The following ZNF395 variants were observed in gnomAD, a reference collection of about 807,000 sequenced individuals.
ZNF395 encodes HD gene regulatory region-binding protein 2.
A neutral mutation model predicts 57.7 loss-of-function variants in ZNF395; 20 were observed. The ratio of observed to expected loss-of-function variants is 0.35; its 90% CI spans 0.24 to 0.50. The LOEUF is 0.50. Among genes scored for constraint, ZNF395 ranks in the 20% least tolerant of loss-of-function variants. The pLI, the probability that ZNF395 is intolerant of heterozygous loss-of-function variation, is 0.97. For missense variants in ZNF395, 606 were observed against 671.2 expected, an observed-to-expected ratio of 0.90 and a Z score of 1.07; for synonymous variants, 295 against 275.9, an observed-to-expected ratio of 1.07 and a Z score of -0.69.
rs576883875 is a variant in ZNF395 at position 28,361,036 on chromosome 8, GCCGAGGGCC to G, written c.80_88del (p.Gly27_Ser29del). 4.0e-4 allele frequency: 648 copies of G among 1,610,902 alleles called. 9 individuals carry two copies. In the South Asian group the frequency reaches 6.0e-3, roughly 15 times the overall value. ...TAGCAGTGGCTCCGAGGGTGGGGCA[GCCGAGGGCC>G]CCTCCGAGGCACTGGGTCCCAACAC... On this transcript the variant is annotated inframe_deletion, in exon 2 of 10. Coordinates refer to ENST00000344423, the MANE Select transcript of ZNF395 (RefSeq NM_018660.3).
chr8:28,382,285 C>T (rs891935564), intron 1 of ZNF395, among the ~76,000 whole-genome samples: 1 of 152,114 alleles, frequency 6.6e-6, no homozygotes, highest in African/African-American at 2.4e-5. Flanking sequence ...AATTTTTAAA[C>T]ACCTTTATGT....
chr8:28,353,007 T>A (rs988160081), intron 5 of ZNF395, among the ~76,000 whole-genome samples, 166 bp downstream of exon 5: 3 of 152,120 alleles, frequency 2.0e-5, no homozygotes, highest in African/African-American at 7.2e-5. Context: ...AGAAGGAGAA[T>A]CCTGGGAATA....
At chr8:28,364,362 A>T (rs1342514822) in intron 1 of ZNF395, among the ~76,000 whole-genome samples, 2 of 152,172 alleles carry the variant, frequency 1.3e-5, no homozygotes, top group African/African-American at 4.8e-5. Context: ...TGGGAAAAAT[A>T]GCTCCTGGAC....
At chr8:28,375,905 C>G (rs1002267703) in intron 1 of ZNF395, among the ~76,000 whole-genome samples, 2 of 152,126 alleles carry the variant, frequency 1.3e-5, no homozygotes, top group East Asian at 3.9e-4. Context: ...TGACTGAATG[C>G]GGGTGTTTTT....
Position 28,352,622 on chromosome 8 carries a change from G to T in ZNF395, c.871C>A (p.Leu291Met). ...KCLWPNCGKV[L>M]RSIVGIKRHV... Reference sequence around the variant, plus strand: ...CGTTTGATGCCCACAATGGAGCGCAGAACTTTGCCACAGTTTGGCCACAGG... The same window carrying T: ...CGTTTGATGCCCACAATGGAGCGCATAACTTTGCCACAGTTTGGCCACAGG... The change falls in exon 6 of 10, where the codon CTG becomes ATG. Residue 291 changes from leucine to methionine, a missense_variant. Coordinates refer to ENST00000344423, the MANE Select transcript of ZNF395 (RefSeq NM_018660.3). This position sits in a 1 kb window ranked among gnomAD's most constrained non-coding sequence, Gnocchi z 4.0. 6.2e-7 allele frequency: 1 copy of T among 1,614,212 alleles called. No homozygotes were observed. Among genetic ancestry groups the T allele is most frequent in the Non-Finnish European group, 8.5e-7 (1 of 1,180,038 alleles).
chr8:28,381,793 G>A (rs1031391410), intron 1 of ZNF395, among the ~76,000 whole-genome samples: 8 of 152,092 alleles, frequency 5.3e-5, no homozygotes, highest in African/African-American at 1.9e-4. Flanking sequence ...AGCCAGAAGC[G>A]GAAAATGGAA....
Position 28,365,125 on chromosome 8 carries a change from GCAT to G in ZNF395, c.-58-3946_-58-3944del, listed in dbSNP as rs575454653. On this transcript the variant is annotated intron_variant, in intron 1 of 9. Transcript: ENST00000344423. ...AATCCAGGCTGGGCAGCATCACCAG[GCAT>G]CACTCGATGCCTCGCCTGTGTTAAT... 3.2e-4 allele frequency among the ~76,000 whole-genome samples: 49 copies of G among 152,292 alleles called. 1 individual carries two copies. In the East Asian group the frequency reaches 9.1e-3, roughly 28 times the overall value.
At chr8:28,376,672 T>C (rs1385068932) in intron 1 of ZNF395, among the ~76,000 whole-genome samples, 2 of 151,662 alleles carry the variant, frequency 1.3e-5, no homozygotes, top group East Asian at 1.9e-4. Context: ...ACCCACTATA[T>C]GTAGCCCAGG....
At chr8:28,353,856 C>T (rs543567345) in intron 4 of ZNF395, among the ~76,000 whole-genome samples, 1 of 152,230 alleles carries the variant, frequency 6.6e-6, no homozygotes, top group South Asian at 2.1e-4. Flanking sequence ...ACAGGCACAC[C>T]CAGAGTGTTG....
At chr8:28,350,795 C>T (rs1801672479) in intron 7 of ZNF395, among the ~76,000 whole-genome samples, 1 of 152,182 alleles carries the variant, frequency 6.6e-6, no homozygotes, top group Non-Finnish European at 1.5e-5. Flanking sequence ...AAAATAGGCA[C>T]AAAAGAATTT....
intron 4 of ZNF395, among the ~76,000 whole-genome samples, chr8:28,353,695 T>C (rs1015802941): frequency 6.6e-6 from 1 of 152,164 alleles, no homozygotes; most frequent in African/African-American, 2.4e-5. Flanking sequence ...TCTTGCTATG[T>C]TGCCCAGGCC....
At chr8:28,381,536 T>C (rs898695081) in intron 1 of ZNF395, among the ~76,000 whole-genome samples, 4 of 152,138 alleles carry the variant, frequency 2.6e-5, no homozygotes, top group African/African-American at 9.7e-5. Flanking sequence ...AGGGTACTAT[T>C]TGTCAGTCTC....
intron 1 of ZNF395, among the ~76,000 whole-genome samples, chr8:28,377,794 G>C (rs1285258826): frequency 8.2e-6 from 1 of 122,640 alleles, no homozygotes; most frequent in Admixed American, 1.1e-4. Flanking sequence ...GTCTCACTCT[G>C]TCGCCCAGGC....
At chr8:28,363,900 A>G (rs1163243754) in intron 1 of ZNF395, among the ~76,000 whole-genome samples, 1 of 152,078 alleles carries the variant, frequency 6.6e-6, no homozygotes, top group African/African-American at 2.4e-5. Flanking sequence ...GGAGCTGGTG[A>G]ACCTGCCACT....
intron 1 of ZNF395, among the ~76,000 whole-genome samples, chr8:28,381,013 T>TAG (rs1802101811): frequency 1.6e-5 from 1 of 63,762 alleles, no homozygotes; most frequent in South Asian, 6.4e-4. Context: ...CACACCCTGC[T>TAG]AGTGTGTGTG....
intron 1 of ZNF395, among the ~76,000 whole-genome samples, chr8:28,374,635 G>A (rs887196533): frequency 1.3e-5 from 2 of 152,084 alleles, no homozygotes; most frequent in African/African-American, 4.8e-5. Context: ...CACAGATCTT[G>A]TTTCAATATT....
chr8:28,356,656 C>T lies in ZNF395; in HGVS notation c.583+14G>A, dbSNP rs755457105. ...CTACCATGCCCAGAACCCAGCTGGGCCCCGCTTGCTCACCAGAGAAGTTGG... is the reference window on the plus strand; with the variant it reads ...CTACCATGCCCAGAACCCAGCTGGGTCCCGCTTGCTCACCAGAGAAGTTGG... On this transcript the variant is annotated intron_variant, in intron 4 of 9. Transcript: ENST00000344423. This position sits in a 1 kb window ranked among gnomAD's most constrained non-coding sequence, Gnocchi z 4.0. 1.2e-6 allele frequency: 2 copies of T among 1,608,906 alleles called. No homozygotes were observed. The highest frequency in any genetic ancestry group is 1.3e-5 in the African/African-American group (1 of 74,914).
chr8:28,375,491 G>C (rs530699587), intron 1 of ZNF395: 1 of 152,270 alleles, frequency 6.6e-6, no homozygotes. Flanking sequence ...CTTCTGGTTG[G>C]GGGTGGGGCT....
intron 1 of ZNF395, among the ~76,000 whole-genome samples, chr8:28,376,171 C>T (rs1055013731): frequency 2.0e-5 from 3 of 149,872 alleles, no homozygotes; most frequent in African/African-American, 7.3e-5. Flanking sequence ...GATGGGGTTT[C>T]ACCATGTTGC....
Sources: gnomAD v4.1 joint callset for allele counts (sites outside exome capture counted in the v4.1 genomes callset) on GRCh38, gnomAD v4.1.1 for gene constraint, Gnocchi (gnomAD v3.1) non-coding constraint, MANE v1.5 for transcripts, NCBI Gene and HGNC (gene_info 2026-07-23, HGNC 2026-07-21) for gene names.